UNC13C: variants seen among roughly 807,000 people sequenced by gnomAD.
UNC13C encodes the protein unc-13 homolog C, also known as protein unc-13 homolog C.
UNC13C carries 174 observed loss-of-function variants against 245.4 expected under a neutral mutation model. That is an observed-to-expected ratio of 0.71 (90% CI 0.63 to 0.80). The LOEUF is 0.80. Ranked by LOEUF, UNC13C falls within the 30% of genes least tolerant of loss-of-function variation. The pLI, the probability that UNC13C is intolerant of heterozygous loss-of-function variation, is 0.00. For missense variants in UNC13C, 2,829 were observed against 2,602.9 expected (o/e 1.09, Z -1.89); for synonymous variants, 992 against 895.1 (o/e 1.11, Z -1.93).
chr15:54,401,127 A>G (rs2040174054), intron 18 of UNC13C, among the ~76,000 whole-genome samples: 1 of 152,198 alleles, frequency 6.6e-6, no homozygotes, highest in Non-Finnish European at 1.5e-5. Context: ...TATAGGAAAG[A>G]TAAGGTAAAT....
the UNC13C span, among the ~76,000 whole-genome samples, chr15:53,960,943 A>T: frequency 1.3e-5 from 2 of 152,120 alleles, no homozygotes; most frequent in Non-Finnish European, 2.9e-5. Context: ...TGAGTTATAA[A>T]CTTCTTTTTA....
chr15:54,369,753 A>T (rs762881147), intron 17 of UNC13C, among the ~76,000 whole-genome samples: 4 of 152,138 alleles, frequency 2.6e-5, no homozygotes, highest in Admixed American at 6.6e-5. Flanking sequence ...CAGATTAGTC[A>T]ACTTGCATGC....
At chr15:54,005,610 A>G (rs1895100634) in intron 1 of UNC13C, among the ~76,000 whole-genome samples, 1 of 152,232 alleles carries the variant, frequency 6.6e-6, no homozygotes, top group African/African-American at 2.4e-5. Flanking sequence ...GCTTAGAAGA[A>G]TAATTAAGGA....
At chr15:54,212,987 A>T (rs1357784626) in intron 4 of UNC13C, among the ~76,000 whole-genome samples, 1 of 152,116 alleles carries the variant, frequency 6.6e-6, no homozygotes, top group Non-Finnish European at 1.5e-5. Context: ...GATTAGAGAC[A>T]TAATGAATCT....
chr15:54,619,460 G>T (rs949071706), intron 30 of UNC13C, among the ~76,000 whole-genome samples: 9 of 152,092 alleles, frequency 5.9e-5, no homozygotes, highest in South Asian at 4.1e-4. Context: ...ATAATCACAT[G>T]GGTTTGTAAC....
chr15:54,349,909 T>C (rs118030031), intron 17 of UNC13C, among the ~76,000 whole-genome samples: 1,945 of 152,204 alleles, frequency 0.013, 13 homozygotes, highest in Non-Finnish European at 0.02. Context: ...GTCTACATAG[T>C]AACATGGATA....
intron 30 of UNC13C, among the ~76,000 whole-genome samples, chr15:54,585,388 G>C (rs1479928228): frequency 6.6e-6 from 1 of 152,256 alleles, no homozygotes; most frequent in Admixed American, 6.5e-5. Flanking sequence ...TTTCTGCCAT[G>C]ATTGTAATCT....
At chr15:54,172,874 A>G (rs1016797963) in intron 4 of UNC13C, among the ~76,000 whole-genome samples, 33 of 150,272 alleles carry the variant, frequency 2.2e-4, no homozygotes, top group African/African-American at 8.0e-4. Flanking sequence ...CAGCTTTTAT[A>G]TTGAGACTTG....
chr15:54,222,388 G>A (rs1382851100), intron 4 of UNC13C, among the ~76,000 whole-genome samples: 3 of 152,076 alleles, frequency 2.0e-5, no homozygotes, highest in East Asian at 3.8e-4. Context: ...ATAAAAGAAT[G>A]ACCTCCAGTT....
At chr15:54,543,553 C>G (rs893832152) in intron 26 of UNC13C, among the ~76,000 whole-genome samples, 2 of 150,736 alleles carry the variant, frequency 1.3e-5, no homozygotes, top group Admixed American at 6.6e-5. Flanking sequence ...ACTAGCAAGA[C>G]TAATAAAGAA....
rs79899148 is a variant in UNC13C at position 54,428,418 on chromosome 15, G to T, written c.4933+13351G>T. On this transcript the variant is annotated intron_variant, in intron 19 of 32. Coordinates refer to ENST00000260323, the MANE Select transcript of UNC13C (RefSeq NM_001080534.3). ...CACATCATACAAACCTGTCCCTCAG[G>T]TTGTCTGCATATCTGTTCCCTCTGC... Among the ~76,000 whole-genome samples the T allele has an allele frequency of 9.8e-3, 1,485 of 151,490 alleles. 11 individuals carry two copies. Among genetic ancestry groups the T allele is most frequent in the Non-Finnish European group, 0.016 (1,093 of 67,740 alleles).
At chr15:54,159,652 G>A (rs986629869) in intron 4 of UNC13C, among the ~76,000 whole-genome samples, 2 of 152,176 alleles carry the variant, frequency 1.3e-5, no homozygotes, top group Admixed American at 6.5e-5. Context: ...TTGGACATTG[G>A]AACTAGTGGG....
intron 19 of UNC13C, among the ~76,000 whole-genome samples, chr15:54,458,680 C>CTTTTTTTTTTTTTTTTTTTTTTT (rs79291504): frequency 4.5e-5 from 3 of 65,974 alleles, no homozygotes; most frequent in African/African-American, 6.1e-5. Context: ...CCTTTAAGGT[C>CTTTTTTTTTTTTTTTTTTTTTTT]TTTTTTTTTT....
At chr15:53,885,819 G>A in the UNC13C span, among the ~76,000 whole-genome samples, 1 of 152,146 alleles carries the variant, frequency 6.6e-6, no homozygotes, top group East Asian at 1.9e-4. Flanking sequence ...ACACAAATAA[G>A]TTTGAAAACC....
At chr15:53,925,981 C>T in the UNC13C span, among the ~76,000 whole-genome samples, 17 of 152,214 alleles carry the variant, frequency 1.1e-4, no homozygotes, top group Middle Eastern at 3.4e-3. Flanking sequence ...TTGATCAAAC[C>T]CCAGTGGGAA....
intron 4 of UNC13C, among the ~76,000 whole-genome samples, chr15:54,210,730 A>G (rs956538802): frequency 1.1e-4 from 17 of 152,146 alleles, no homozygotes; most frequent in African/African-American, 3.4e-4. Flanking sequence ...AGAAAATACC[A>G]TAATCCTGAT....
intron 2 of UNC13C, among the ~76,000 whole-genome samples, chr15:54,038,408 C>T (rs1050032193): frequency 3.3e-5 from 5 of 151,850 alleles, no homozygotes; most frequent in Admixed American, 6.6e-5. Flanking sequence ...GCTGGGATTA[C>T]AGGCATGAAC....
chr15:54,121,213 C>T (rs2030644934), intron 2 of UNC13C, among the ~76,000 whole-genome samples: 1 of 152,110 alleles, frequency 6.6e-6, no homozygotes, highest in Admixed American at 6.6e-5. Context: ...AATAAATTGC[C>T]ACAGTCACCT....
chr15:54,301,521 G>C (rs984821835), intron 13 of UNC13C, among the ~76,000 whole-genome samples: 7 of 152,032 alleles, frequency 4.6e-5, no homozygotes, highest in South Asian at 2.1e-4. Flanking sequence ...TCTCACTTTT[G>C]AGTGAGAACA....
Sources: allele counts gnomAD v4.1 joint callset (sites outside exome capture counted in the v4.1 genomes callset), GRCh38; gene constraint gnomAD v4.1.1; transcripts MANE v1.5; gene names NCBI Gene and HGNC (gene_info 2026-07-23, HGNC 2026-07-21).